Variants in ADARB1 observed in about 807,000 individuals in gnomAD.
ADARB1 encodes adenosine deaminase RNA specific B1, also known as double-stranded RNA-specific editase 1.
Under a neutral mutation model 52.4 loss-of-function variants are expected in ADARB1, and 10 were observed. That is an observed-to-expected ratio of 0.19 (90% CI 0.12 to 0.32). The LOEUF (loss-of-function observed/expected upper bound fraction) is 0.32, where lower values mean the gene tolerates loss of function less well. Among genes scored for constraint, ADARB1 ranks in the 10% least tolerant of loss-of-function variants. The probability of loss-of-function intolerance (pLI) is 1.00; values close to 1 mark genes in which losing one functional copy is unlikely to be tolerated. For missense variants in ADARB1, 643 were observed against 922.3 expected, an observed-to-expected ratio of 0.70 and a Z score of 3.92; for synonymous variants, 349 against 371.1, an observed-to-expected ratio of 0.94 and a Z score of 0.68.
intron 8 of ADARB1, among the ~76,000 whole-genome samples, chr21:45,189,780 C>T: frequency 6.6e-6 from 1 of 150,908 alleles, no homozygotes. Flanking sequence ...CATTCCACTC[C>T]TTTCTGGCTT....
intron 1 of ADARB1, among the ~76,000 whole-genome samples, chr21:45,127,855 G>A (rs2088688025): frequency 6.6e-6 from 1 of 152,126 alleles, no homozygotes; most frequent in South Asian, 2.1e-4. Flanking sequence ...ATATTAGCAT[G>A]TTGAAACATT....
intron 8 of ADARB1, among the ~76,000 whole-genome samples, chr21:45,197,017 C>T (rs1247139065): frequency 1.3e-5 from 2 of 152,120 alleles, no homozygotes; most frequent in Non-Finnish European, 2.9e-5. Context: ...CATGACGAAA[C>T]CCCATCTCTA....
In ADARB1 at chr21:45,208,460, G is replaced by A. The variant is rs2092705447; in HGVS notation, c.1747+3724G>A. Among the ~76,000 whole-genome samples the A allele has an allele frequency of 6.6e-6, 1 of 152,242 alleles. No individual in the cohort carries two copies. The highest frequency in any genetic ancestry group is 2.4e-5 in the African/African-American group (1 of 41,460). ...AAGGGGGCTGGCAGCAGGCCCAGGT[G>A]TGTGGCAGGAAGAAGGCAGGTGCCT... On this transcript the variant is annotated intron_variant, in intron 9 of 10. Transcript: ENST00000348831. This position sits in a 1 kb window ranked among gnomAD's most constrained non-coding sequence, Gnocchi z 5.6.
At chr21:45,129,283 A>AT (rs1161825680) in intron 2 of ADARB1, among the ~76,000 whole-genome samples, 22 of 152,316 alleles carry the variant, frequency 1.4e-4, no homozygotes, top group African/African-American at 4.6e-4. Context: ...CTATCTCATG[A>AT]TTCAGCGTCT....
chr21:45,133,917 A>C (rs2089145572), intron 2 of ADARB1, among the ~76,000 whole-genome samples: 1 of 99,212 alleles, frequency 1.0e-5, no homozygotes, highest in Non-Finnish European at 2.0e-5. Context: ...TGTGCCCGAC[A>C]GTGGTGTGTG....
At position 45,078,723 on chromosome 21, in the gene ADARB1, T is replaced by G. The variant is rs137999151; in HGVS notation, c.-220+3930T>G. Among the ~76,000 whole-genome samples the G allele has an allele frequency of 2.7e-3, 406 of 152,294 alleles. 1 individual carries two copies. The highest frequency in any genetic ancestry group is 0.011 in the Admixed American group (166 of 15,292). ...ACAGGCTGTGGTAAGGAATTTAGAT[T>G]TTAAGTTTGATGGGAAGCCTTAAGG... On this transcript the variant is annotated intron_variant, in intron 1 of 10. Transcript: ENST00000348831.
intron 9 of ADARB1, among the ~76,000 whole-genome samples, chr21:45,216,315 CT>C (rs1220047803): frequency 6.6e-6 from 1 of 151,850 alleles, no homozygotes; most frequent in Non-Finnish European, 1.5e-5. Flanking sequence ...AATTTTTACT[CT>C]GATTTTAATT....
At chr21:45,180,587 G>C (rs1315575662) in intron 5 of ADARB1, 143 bp downstream of exon 5, 2 of 717,424 alleles carry the variant, frequency 2.8e-6, no homozygotes, top group Non-Finnish European at 4.8e-6. Flanking sequence ...CCATATGCAA[G>C]TTTACGAACT....
At chr21:45,147,671 C>A (rs979238196) in intron 2 of ADARB1, among the ~76,000 whole-genome samples, 2 of 152,218 alleles carry the variant, frequency 1.3e-5, no homozygotes, top group Non-Finnish European at 2.9e-5. Context: ...AGGAGGGGCT[C>A]CTGCAGCCGG....
In ADARB1 at chr21:45,221,913, C is replaced by T; in HGVS notation, c.1927-105C>T. The T allele has an allele frequency of 7.7e-7, 1 of 1,302,586 alleles. No homozygotes were observed. Among genetic ancestry groups the T allele is most frequent in the Middle Eastern group, 1.9e-4 (1 of 5,324 alleles). The allele number at this position is 1,302,586 out of a possible 1,614,324, so 80.7% of individuals were successfully genotyped here. A position where few individuals can be genotyped will look rare whatever the true frequency, so the allele number is the denominator to read the frequency against. Reference sequence around the variant, plus strand: ...GCCTTCCTCTGGGTTGCTTTCCCCCCAGAAGCCAATGCAGTTCTGAAGGCC... The same window carrying T: ...GCCTTCCTCTGGGTTGCTTTCCCCCTAGAAGCCAATGCAGTTCTGAAGGCC... On this transcript the variant is annotated intron_variant, in intron 10 of 10. Transcript: ENST00000348831. The surrounding 1 kb of genome is among the most constrained non-coding windows in gnomAD (Gnocchi z 4.9).
At chr21:45,171,437 G>C (rs1462590876) in intron 2 of ADARB1, among the ~76,000 whole-genome samples, 173 bp from the exon 3 acceptor site, 2 of 152,192 alleles carry the variant, frequency 1.3e-5, no homozygotes. Flanking sequence ...GTGCCAAGGA[G>C]GAGTATTTTG....
At chr21:45,192,581 C>T (rs1197929050) in intron 8 of ADARB1, among the ~76,000 whole-genome samples, 1 of 152,018 alleles carries the variant, frequency 6.6e-6, no homozygotes, top group Admixed American at 6.6e-5. Context: ...ACCTTGAGAC[C>T]ACCGGGCTAT....
intron 7 of ADARB1, 182 bp from the exon 8 acceptor site, chr21:45,184,741 A>G (rs981263451): frequency 3.2e-5 from 22 of 693,670 alleles, no homozygotes; most frequent in African/African-American, 1.1e-4. Context: ...GTGAGCCACC[A>G]TACCCAGCCT....
At chr21:45,093,383 G>A (rs1010418858) in intron 1 of ADARB1, among the ~76,000 whole-genome samples, 9 of 152,326 alleles carry the variant, frequency 5.9e-5, no homozygotes, top group Admixed American at 5.2e-4. Context: ...TAGGTCTGGC[G>A]ACTGCTCCCA....
chr21:45,203,203 C>T (rs1253496290), intron 8 of ADARB1, among the ~76,000 whole-genome samples: 1 of 151,954 alleles, frequency 6.6e-6, no homozygotes, highest in African/African-American at 2.4e-5. Context: ...CCCTGCCCTG[C>T]CCCTCTGCCC....
intron 1 of ADARB1, among the ~76,000 whole-genome samples, chr21:45,078,924 G>A (rs1471005478): frequency 2.0e-5 from 3 of 152,098 alleles, no homozygotes; most frequent in Admixed American, 1.3e-4. Context: ...CATGTTACAG[G>A]GGGGAATACC....
intron 2 of ADARB1, among the ~76,000 whole-genome samples, chr21:45,147,815 C>T (rs558786537): frequency 1.3e-5 from 2 of 152,302 alleles, no homozygotes; most frequent in Admixed American, 6.5e-5. Context: ...TCCCACGCTG[C>T]CCCCGGCACC....
chr21:45,117,161 G>A (rs962447060), intron 1 of ADARB1: 5 of 152,126 alleles, frequency 3.3e-5, no homozygotes, highest in Non-Finnish European at 5.9e-5. Flanking sequence ...TTGCTCCCTC[G>A]AAGGATGAAG....
intron 4 of ADARB1, among the ~76,000 whole-genome samples, chr21:45,177,700 G>A (rs1325398773): frequency 1.3e-5 from 2 of 152,106 alleles, no homozygotes; most frequent in African/African-American, 4.8e-5. Flanking sequence ...TGTTCCCCTG[G>A]AAGAATCCAA....
Sources: allele counts gnomAD v4.1 joint callset (sites outside exome capture counted in the v4.1 genomes callset), GRCh38; gene constraint gnomAD v4.1.1; non-coding constraint Gnocchi (gnomAD v3.1); transcripts MANE v1.5; gene names NCBI Gene and HGNC (gene_info 2026-07-23, HGNC 2026-07-21).